The following KCMF1 variants were observed in gnomAD, a reference collection of about 807,000 sequenced individuals.
KCMF1 encodes the protein E3 ubiquitin-protein ligase KCMF1.
In KCMF1, 3 loss-of-function variants were observed where a neutral mutation model predicts 41.1. The observed-to-expected ratio is 0.07, with a 90% confidence interval of 0.03 to 0.19. The LOEUF (loss-of-function observed/expected upper bound fraction) is 0.19, where lower values mean the gene tolerates loss of function less well. Ranked by LOEUF, KCMF1 falls within the 10% of genes least tolerant of loss-of-function variation. The pLI is 1.00. For synonymous variants in KCMF1, 142 were observed against 164.5 expected (o/e 0.86, Z 1.04); for missense variants, 286 against 488.9 (o/e 0.58, Z 3.91).
intron 1 of KCMF1, among the ~76,000 whole-genome samples, chr2:85,005,489 C>T (rs914446209): frequency 3.4e-4 from 52 of 151,360 alleles, no homozygotes; most frequent in African/African-American, 1.2e-3. Flanking sequence ...AGGGTTTCAC[C>T]GTGTTAGCCA....
intron 6 of KCMF1, among the ~76,000 whole-genome samples, 165 bp downstream of exon 6, chr2:85,049,813 A>G (rs1675765623): frequency 1.3e-5 from 2 of 152,216 alleles, no homozygotes; most frequent in Non-Finnish European, 2.9e-5. Context: ...TTCCCCAAGA[A>G]TGTGAAACAT....
At chr2:84,990,945 G>A (rs531730783) in intron 1 of KCMF1, among the ~76,000 whole-genome samples, 9 of 152,236 alleles carry the variant, frequency 5.9e-5, no homozygotes, top group South Asian at 2.1e-4. Flanking sequence ...CCAGTGGATG[G>A]TTTTGAGCAA....
At chr2:84,995,798 T>C (rs1178707673) in intron 1 of KCMF1, among the ~76,000 whole-genome samples, 1 of 152,160 alleles carries the variant, frequency 6.6e-6, no homozygotes, top group Non-Finnish European at 1.5e-5. Context: ...AAAAAATCCA[T>C]TTTTAAAAAG....
intron 4 of KCMF1, among the ~76,000 whole-genome samples, chr2:85,044,369 T>G (rs1158218148): frequency 1.3e-5 from 2 of 151,860 alleles, no homozygotes; most frequent in African/African-American, 2.4e-5. Context: ...TTCCTGCTTT[T>G]CTTTTCTTTT....
At chr2:85,048,052 G>A (rs899225372) in intron 5 of KCMF1, among the ~76,000 whole-genome samples, 2 of 152,216 alleles carry the variant, frequency 1.3e-5, no homozygotes, top group East Asian at 3.9e-4. Context: ...ACAAACCCTC[G>A]TGGCAGGTGT....
At chr2:85,001,541 G>A (rs1035393152) in intron 1 of KCMF1, among the ~76,000 whole-genome samples, 1 of 152,130 alleles carries the variant, frequency 6.6e-6, no homozygotes, top group African/African-American at 2.4e-5. Flanking sequence ...ATCCTGTTGG[G>A]ATGCTGAACA....
rs543115841 is a variant in KCMF1, at chr2:84,986,838, C to T, written c.16+15371C>T. ...TGGAGGTTGCAGTGAGCCGAGATCA[C>T]GCCACTGTACTCCAGCCTGGGCGAC... On this transcript the variant is annotated intron_variant, in intron 1 of 6. Transcript: ENST00000409785. Among the ~76,000 whole-genome samples the T allele has an allele frequency of 2.6e-3, 391 of 152,150 alleles. 4 individuals carry two copies. The highest frequency in any genetic ancestry group is 9.2e-3 in the African/African-American group (380 of 41,520).
At chr2:85,030,783 G>A (rs145298659) in intron 2 of KCMF1, among the ~76,000 whole-genome samples, 203 of 152,230 alleles carry the variant, frequency 1.3e-3, no homozygotes, top group Middle Eastern at 6.8e-3. Flanking sequence ...TGCAGCCTCC[G>A]CTTCCCAGGC....
At chr2:85,023,659 C>G (rs1383673182) in intron 1 of KCMF1, among the ~76,000 whole-genome samples, 2 of 152,128 alleles carry the variant, frequency 1.3e-5, no homozygotes, top group Non-Finnish European at 2.9e-5. Context: ...CAAAAACTGC[C>G]GTCAACATTC....
At chr2:84,975,244 A>G (rs929994334) in intron 1 of KCMF1, among the ~76,000 whole-genome samples, 1 of 150,764 alleles carries the variant, frequency 6.6e-6, no homozygotes, top group African/African-American at 2.4e-5. Flanking sequence ...TCCATCTCCA[A>G]AAAAAAAAGT....
chr2:84,980,507 C>T (rs542814345), intron 1 of KCMF1, among the ~76,000 whole-genome samples: 9 of 152,332 alleles, frequency 5.9e-5, no homozygotes, highest in African/African-American at 2.2e-4. Flanking sequence ...TGCTACATCC[C>T]TGATGGCCCT....
At chr2:85,029,217 G>A (rs867358059) in intron 2 of KCMF1, among the ~76,000 whole-genome samples, 37 of 152,104 alleles carry the variant, frequency 2.4e-4, no homozygotes, top group Middle Eastern at 3.4e-3. Context: ...ACCTGCCTTC[G>A]CCTCCCAAAG....
At chr2:85,007,238 A>G (rs1674495434) in intron 1 of KCMF1, among the ~76,000 whole-genome samples, 1 of 152,136 alleles carries the variant, frequency 6.6e-6, no homozygotes, top group South Asian at 2.1e-4. Flanking sequence ...TCTGAGCCAC[A>G]TATTGTTTAG....
chr2:85,014,600 C>T (rs894088954), intron 1 of KCMF1, among the ~76,000 whole-genome samples: 1 of 150,668 alleles, frequency 6.6e-6, no homozygotes, highest in Non-Finnish European at 1.5e-5. Context: ...TGCCTTGCTG[C>T]CACAGACCTG....
chr2:84,995,830 A>G (rs1216587304), intron 1 of KCMF1, among the ~76,000 whole-genome samples: 2 of 152,066 alleles, frequency 1.3e-5, no homozygotes, highest in Non-Finnish European at 2.9e-5. Context: ...ACATACTTTA[A>G]GTAAAATGCT....
At chr2:85,006,445 C>T (rs111997887) in intron 1 of KCMF1, among the ~76,000 whole-genome samples, 2,655 of 151,594 alleles carry the variant, frequency 0.018, 62 homozygotes, top group African/African-American at 0.061. Context: ...GGACTACAGG[C>T]GCCCGCCACC....
rs1319782666 is a variant in KCMF1 at position 85,043,625 on chromosome 2, C to T, written c.386C>T (p.Ala129Val). The T allele has an allele frequency of 1.2e-6, 2 of 1,612,500 alleles. No homozygotes were observed. The highest frequency in any genetic ancestry group is 2.2e-5 in the South Asian group (2 of 90,860). The change falls in exon 4 of 7, where the codon GCA (alanine) becomes GTA (valine). Residue 129 changes from alanine (A) to valine (V), a missense_variant. Ala to Val is a moderately conservative substitution (Grantham distance 64). Coordinates refer to ENST00000409785, the MANE Select transcript of KCMF1 (RefSeq NM_020122.5). ...GDPNHVTDDF[A>V]AHLTLEHRAP... ...CCTAATCATGTCACGGATGACTTTGCAGCTCATCTTACACTTGAACACAGA... is the reference window on the plus strand; with the variant it reads ...CCTAATCATGTCACGGATGACTTTGTAGCTCATCTTACACTTGAACACAGA...
intron 1 of KCMF1, among the ~76,000 whole-genome samples, chr2:85,016,815 G>A (rs916018918): frequency 1.3e-5 from 2 of 151,016 alleles, no homozygotes; most frequent in African/African-American, 2.4e-5. Context: ...TCAGTCTCCC[G>A]AGTAACTGGG....
At chr2:84,998,342 G>A (rs182212054) in intron 1 of KCMF1, among the ~76,000 whole-genome samples, 18 of 151,774 alleles carry the variant, frequency 1.2e-4, no homozygotes, top group East Asian at 7.8e-4. Flanking sequence ...TGATCCACCC[G>A]CTTTGGCCTC....
Sources: gnomAD v4.1 joint callset for allele counts (sites outside exome capture counted in the v4.1 genomes callset) on GRCh38, gnomAD v4.1.1 for gene constraint, MANE v1.5 for transcripts, NCBI Gene and HGNC (gene_info 2026-07-23, HGNC 2026-07-21) for gene names.